TPTE2: variants seen among roughly 807,000 people sequenced by gnomAD.
The protein encoded by TPTE2 is phosphatidylinositol 3,4,5-trisphosphate 3-phosphatase TPTE2.
A neutral mutation model predicts 78.6 loss-of-function variants in TPTE2; 53 were observed. That is an observed-to-expected ratio of 0.67 (90% CI 0.54 to 0.85). The LOEUF is 0.85. Ranked by LOEUF, TPTE2 falls within the 40% of genes least tolerant of loss-of-function variation. The probability of loss-of-function intolerance (pLI) is 0.00; values close to 1 mark genes in which losing one functional copy is unlikely to be tolerated. For missense variants in TPTE2, 461 were observed against 623.0 expected (o/e 0.74, Z 2.77); for synonymous variants, 175 against 206.2 (o/e 0.85, Z 1.30).
the TPTE2 span, chr13:19,561,363 C>G: frequency 2.0e-6 from 1 of 510,582 alleles, no homozygotes; most frequent in Non-Finnish European, 3.3e-6. Context: ...CAGGTCCACT[C>G]TAATATTCCC....
At chr13:19,448,350 T>A (rs1251771061) in intron 13 of TPTE2, among the ~76,000 whole-genome samples, 4 of 152,152 alleles carry the variant, frequency 2.6e-5, no homozygotes, top group Non-Finnish European at 4.4e-5. Context: ...TAAAACACTT[T>A]TGCACAGCAA....
At chr13:19,481,759 G>T (rs1880373325) in intron 4 of TPTE2, among the ~76,000 whole-genome samples, 1 of 152,228 alleles carries the variant, frequency 6.6e-6, no homozygotes, top group Non-Finnish European at 1.5e-5. Context: ...ACTTGTATTT[G>T]CCCTCTTTGT....
At chr13:19,547,532 C>G in the TPTE2 span, among the ~76,000 whole-genome samples, 2 of 151,912 alleles carry the variant, frequency 1.3e-5, no homozygotes, top group East Asian at 3.9e-4. Flanking sequence ...TGAAAGTATT[C>G]AAACATGTAC....
chr13:19,430,658 C>G (rs2497068), intron 16 of TPTE2, 111 bp from the exon 20 acceptor site: 2 of 713,942 alleles, frequency 2.8e-6, no homozygotes. Context: ...AAGCTAACAA[C>G]GTATCAATAG....
intron 10 of TPTE2, among the ~76,000 whole-genome samples, chr13:19,455,780 A>G (rs1878505890): frequency 6.6e-6 from 1 of 152,262 alleles, no homozygotes; most frequent in South Asian, 2.1e-4. Flanking sequence ...TTAATGGAAT[A>G]ACAGAAAAAC....
At chr13:19,555,553 C>T in the TPTE2 span, among the ~76,000 whole-genome samples, 2 of 152,154 alleles carry the variant, frequency 1.3e-5, no homozygotes, top group South Asian at 4.1e-4. Flanking sequence ...TCAAACAGTA[C>T]CTTCATTAGA....
intron 19 of TPTE2, among the ~76,000 whole-genome samples, chr13:19,423,601 C>T (rs1303687389): frequency 2.0e-5 from 3 of 152,118 alleles, no homozygotes; most frequent in South Asian, 2.1e-4. Flanking sequence ...ATATGCTTAG[C>T]GTTCCAATAA....
upstream of TPTE2, among the ~76,000 whole-genome samples, chr13:19,537,592 AG>A (rs1231859914): frequency 6.8e-6 from 1 of 147,590 alleles, no homozygotes; most frequent in Non-Finnish European, 1.5e-5. Flanking sequence ...TTGGGACAGA[AG>A]TGTTTTTTTG....
intron 1 of TPTE2, among the ~76,000 whole-genome samples, chr13:19,520,698 G>A (rs1303133401): frequency 6.6e-6 from 1 of 151,774 alleles, no homozygotes; most frequent in Admixed American, 6.6e-5. Flanking sequence ...ATTATTTATT[G>A]AGATCTTTCT....
chr13:19,561,154 C>A, the TPTE2 span: 13 of 1,596,198 alleles, frequency 8.1e-6, no homozygotes, highest in Non-Finnish European at 1.1e-5. Context: ...GGGCCAGGGC[C>A]ACAGGAGGCT....
chr13:19,472,474 T>C (rs1056426852), intron 6 of TPTE2, among the ~76,000 whole-genome samples: 10 of 152,242 alleles, frequency 6.6e-5, no homozygotes, highest in Non-Finnish European at 5.9e-5. Context: ...GTGTGCCAAT[T>C]ACATTTTTTG....
At chr13:19,527,941 C>T (rs1870613100) in intron 1 of TPTE2, among the ~76,000 whole-genome samples, 1 of 152,182 alleles carries the variant, frequency 6.6e-6, no homozygotes, top group Non-Finnish European at 1.5e-5. Context: ...GCCTTGAGGA[C>T]TTACTGTCCT....
At chr13:19,560,784 C>T in the TPTE2 span, 2 of 1,472,604 alleles carry the variant, frequency 1.4e-6, no homozygotes, top group South Asian at 1.2e-5. Context: ...GCGGGTCCAC[C>T]TCTGGCACCG....
upstream of TPTE2, among the ~76,000 whole-genome samples, chr13:19,504,942 T>G (rs988699153): frequency 7.9e-5 from 12 of 152,142 alleles, no homozygotes; most frequent in African/African-American, 2.9e-4. Flanking sequence ...TGTACACATA[T>G]TTTATAATTC....
intron 4 of TPTE2, among the ~76,000 whole-genome samples, chr13:19,476,372 C>A (rs1289172871): frequency 6.7e-6 from 1 of 149,472 alleles, no homozygotes; most frequent in East Asian, 2.0e-4. Context: ...AAGCCTCCAA[C>A]ACAGGAGACT....
chr13:19,558,520 T>C, the TPTE2 span, among the ~76,000 whole-genome samples: 1 of 152,232 alleles, frequency 6.6e-6, no homozygotes, highest in Non-Finnish European at 1.5e-5. Flanking sequence ...ACTATTAAGT[T>C]TGAATTTTGA....
chr13:19,479,221 T>C (rs942373749), intron 4 of TPTE2, among the ~76,000 whole-genome samples: 2 of 152,226 alleles, frequency 1.3e-5, no homozygotes, highest in African/African-American at 2.4e-5. Context: ...ATAAATAATA[T>C]AAAATCATGA....
intron 1 of TPTE2, among the ~76,000 whole-genome samples, chr13:19,513,332 GCTTA>G (rs1869581179): frequency 6.6e-6 from 1 of 152,140 alleles, no homozygotes; most frequent in South Asian, 2.1e-4. Flanking sequence ...ATATGACTTA[GCTTA>G]CTTAAGACCT....
At chr13:19,495,787 A>G (rs1301508200) in intron 1 of TPTE2, among the ~76,000 whole-genome samples, 1 of 152,212 alleles carries the variant, frequency 6.6e-6, no homozygotes, top group Non-Finnish European at 1.5e-5. Context: ...GTAAGACAAC[A>G]TGTAACTTCC....
Sources: gnomAD v4.1 joint callset for allele counts (sites outside exome capture counted in the v4.1 genomes callset) on GRCh38, gnomAD v4.1.1 for gene constraint, MANE v1.5 for transcripts, NCBI Gene and HGNC (gene_info 2026-07-23, HGNC 2026-07-21) for gene names.